CNTNAP5: variants seen among roughly 807,000 people sequenced by gnomAD.
CNTNAP5 encodes contactin-associated protein-like 5.
Under a neutral mutation model 150.2 loss-of-function variants are expected in CNTNAP5, and 72 were observed. The observed-to-expected ratio is 0.48, with a 90% CI of 0.40 to 0.58. CNTNAP5 has a LOEUF of 0.58. Ranked by LOEUF, CNTNAP5 falls within the 20% of genes least tolerant of loss-of-function variation. CNTNAP5 has a pLI of 0.00. For synonymous variants in CNTNAP5, 672 were observed against 619.8 expected (o/e 1.08, Z -1.25); for missense variants, 1,636 against 1,626.2 (o/e 1.01, Z -0.10).
At chr2:124,095,084 G>A (rs1009629398) in intron 1 of CNTNAP5, among the ~76,000 whole-genome samples, 16 of 152,154 alleles carry the variant, frequency 1.1e-4, no homozygotes, top group African/African-American at 3.4e-4. Flanking sequence ...GCAAAGACTT[G>A]GAATCAACCC....
At chr2:124,077,502 T>C (rs1339258546) in intron 1 of CNTNAP5, among the ~76,000 whole-genome samples, 1 of 152,160 alleles carries the variant, frequency 6.6e-6, no homozygotes, top group African/African-American at 2.4e-5. Flanking sequence ...CCCATAGCAG[T>C]GTCTGATGAA....
intron 1 of CNTNAP5, among the ~76,000 whole-genome samples, chr2:124,163,475 G>A (rs1296892934): frequency 5.3e-5 from 8 of 152,122 alleles, no homozygotes; most frequent in Non-Finnish European, 1.2e-4. Context: ...TCAGGCATGG[G>A]GGTGTGAATC....
chr2:124,094,899 C>T (rs1682899662), intron 1 of CNTNAP5, among the ~76,000 whole-genome samples: 1 of 152,130 alleles, frequency 6.6e-6, no homozygotes, highest in Non-Finnish European at 1.5e-5. Context: ...CAGGGAAAAT[C>T]AAAACACTGG....
At chr2:124,302,127 T>TC (rs1352077554) in intron 3 of CNTNAP5, among the ~76,000 whole-genome samples, 2 of 152,176 alleles carry the variant, frequency 1.3e-5, no homozygotes, top group Non-Finnish European at 1.5e-5. Context: ...CTAAAACAGC[T>TC]AGAACTTTGA....
intron 11 of CNTNAP5, among the ~76,000 whole-genome samples, chr2:124,566,328 A>G (rs902980098): frequency 1.3e-5 from 2 of 152,226 alleles, no homozygotes; most frequent in Non-Finnish European, 2.9e-5. Flanking sequence ...CACTTTCTCC[A>G]AAAGTAATTT....
At chr2:124,353,494 A>G (rs1689924860) in intron 3 of CNTNAP5, among the ~76,000 whole-genome samples, 1 of 152,104 alleles carries the variant, frequency 6.6e-6, no homozygotes. Context: ...TGGAAGTAGC[A>G]TGCTCTTGGG....
In CNTNAP5 at chr2:124,249,111, C is replaced by T. The variant is rs192986668; in HGVS notation, c.381+6718C>T. 4.6e-5 allele frequency among the ~76,000 whole-genome samples: 7 copies of T among 152,236 alleles called. No homozygotes were observed. In the South Asian group the frequency reaches 6.2e-4, roughly 14 times the overall value. ...TTGCCCAAATTCCTACCTAAGGGGT[C>T]TGTGGAGTCATGCCCTACAAACCAT... is the stretch of plus-strand genomic sequence containing the variant. On this transcript the variant is annotated intron_variant, in intron 3 of 23. Transcript: ENST00000682447.
At chr2:124,890,849 TA>T (rs1678179031) in intron 21 of CNTNAP5, among the ~76,000 whole-genome samples, 1 of 152,102 alleles carries the variant, frequency 6.6e-6, no homozygotes, top group Non-Finnish European at 1.5e-5. Context: ...GGTAAGTGTA[TA>T]GAGACATACA....
At chr2:124,622,206 T>C (rs1677632157) in intron 12 of CNTNAP5, among the ~76,000 whole-genome samples, 2 of 152,022 alleles carry the variant, frequency 1.3e-5, no homozygotes, top group Non-Finnish European at 2.9e-5. Flanking sequence ...CACTTGTAGA[T>C]GAGAACATGT....
At chr2:124,633,464 A>T (rs1677906652) in intron 12 of CNTNAP5, among the ~76,000 whole-genome samples, 1 of 152,240 alleles carries the variant, frequency 6.6e-6, no homozygotes, top group South Asian at 2.1e-4. Flanking sequence ...TCCAGAGCAC[A>T]TTGGTGCAAG....
rs137856674 is a variant in CNTNAP5, at chr2:124,820,715, G to A, written c.3217+22395G>A. On this transcript the variant is annotated intron_variant, in intron 19 of 23. Coordinates refer to ENST00000682447, the MANE Select transcript of CNTNAP5 (RefSeq NM_001367498.1). ...ATATTTATTCAACAAGTCATTATGC[G>A]CATTATCTCTTTGGATCTGTATACC... is the stretch of plus-strand genomic sequence containing the variant. 3.4e-4 allele frequency among the ~76,000 whole-genome samples: 51 copies of A among 152,136 alleles called. No individual in the cohort carries two copies. In the South Asian group the frequency reaches 4.6e-3, roughly 14 times the overall value.
At chr2:124,553,427 C>A (rs1340793732) in intron 10 of CNTNAP5, among the ~76,000 whole-genome samples, 6 of 150,464 alleles carry the variant, frequency 4.0e-5, no homozygotes, top group Non-Finnish European at 8.9e-5. Flanking sequence ...TCGCTTGAAC[C>A]TAAGAGGTGG....
At chr2:124,856,075 GGTGTGTGTGTGT>G (rs56676705) in intron 19 of CNTNAP5, among the ~76,000 whole-genome samples, 36 of 144,318 alleles carry the variant, frequency 2.5e-4, no homozygotes, top group South Asian at 6.9e-4. Flanking sequence ...AATAGTCCAT[GGTGTGTGTGTGT>G]GTGTGTGTGT....
chr2:124,814,476 C>A (rs1235068550), intron 19 of CNTNAP5, among the ~76,000 whole-genome samples: 2 of 152,116 alleles, frequency 1.3e-5, no homozygotes, highest in Non-Finnish European at 2.9e-5. Context: ...CCTGGCCTAG[C>A]ACAATGTGGG....
intron 1 of CNTNAP5, among the ~76,000 whole-genome samples, chr2:124,033,605 C>A (rs1681123972): frequency 6.6e-6 from 1 of 152,174 alleles, no homozygotes; most frequent in South Asian, 2.1e-4. Flanking sequence ...CCAGTGCTGC[C>A]TTGCTAAACA....
At chr2:124,667,920 T>C (rs1453514472) in intron 13 of CNTNAP5, among the ~76,000 whole-genome samples, 2 of 152,340 alleles carry the variant, frequency 1.3e-5, no homozygotes, top group Non-Finnish European at 2.9e-5. Flanking sequence ...AAGACAGTCC[T>C]TGGGAGAAAC....
intron 3 of CNTNAP5, among the ~76,000 whole-genome samples, chr2:124,400,596 C>CTCTA (rs1424650297): frequency 6.6e-6 from 1 of 151,108 alleles, no homozygotes; most frequent in Non-Finnish European, 1.5e-5. Context: ...TACTCCCATG[C>CTCTA]TCTAGTTCCC....
At chr2:124,660,666 T>C (rs1678568891) in intron 13 of CNTNAP5, among the ~76,000 whole-genome samples, 1 of 152,168 alleles carries the variant, frequency 6.6e-6, no homozygotes, top group Non-Finnish European at 1.5e-5. Flanking sequence ...TACAGCACAT[T>C]TTAATTCACA....
At chr2:124,317,537 A>C (rs1688997943) in intron 3 of CNTNAP5, among the ~76,000 whole-genome samples, 1 of 152,084 alleles carries the variant, frequency 6.6e-6, no homozygotes, top group Admixed American at 6.5e-5. Flanking sequence ...TATCTTTCTC[A>C]AAGGGCATTT....
Sources: allele counts gnomAD v4.1 joint callset (sites outside exome capture counted in the v4.1 genomes callset), GRCh38; gene constraint gnomAD v4.1.1; transcripts MANE v1.5; gene names NCBI Gene and HGNC (gene_info 2026-07-23, HGNC 2026-07-21).